DOCK5: variants seen among roughly 807,000 people sequenced by gnomAD.
The protein encoded by DOCK5 is dedicator of cytokinesis 5.
Under a neutral mutation model 251.8 loss-of-function variants are expected in DOCK5, and 142 were observed. The ratio of observed to expected loss-of-function variants is 0.56; its 90% CI spans 0.49 to 0.65. The LOEUF is 0.65. DOCK5 is among the 30% of genes least tolerant of loss of function. The pLI, the probability that DOCK5 is intolerant of heterozygous loss-of-function variation, is 0.00. For synonymous variants in DOCK5, 842 were observed against 835.5 expected (o/e 1.01, Z -0.13); for missense variants, 2,111 against 2,312.3 (o/e 0.91, Z 1.79).
chr8:25,241,823 TA>T (rs59136868), intron 1 of DOCK5, among the ~76,000 whole-genome samples: 15,306 of 151,960 alleles, frequency 0.1, 2,155 homozygotes, highest in African/African-American at 0.32. Context: ...TATGCAACCA[TA>T]AAAAAAGGAT....
intron 12 of DOCK5, among the ~76,000 whole-genome samples, chr8:25,310,108 T>C (rs993246079): frequency 6.6e-6 from 1 of 152,182 alleles, no homozygotes; most frequent in African/African-American, 2.4e-5. Flanking sequence ...ATATATCTTT[T>C]TTACCCCTAG....
intron 48 of DOCK5, among the ~76,000 whole-genome samples, chr8:25,406,671 A>G (rs796241850): frequency 7.2e-4 from 110 of 152,092 alleles, no homozygotes; most frequent in African/African-American, 2.4e-3. Context: ...TGTGTCGCCC[A>G]GGCTGGAGTG....
At chr8:25,362,426 CTTTTTTTCCT>C (rs1800699590) in intron 28 of DOCK5, among the ~76,000 whole-genome samples, 1 of 140,378 alleles carries the variant, frequency 7.1e-6, no homozygotes, top group Non-Finnish European at 1.6e-5. Flanking sequence ...TTCCCACTTT[CTTTTTTTCCT>C]TTTTTCTTTT....
intron 1 of DOCK5, among the ~76,000 whole-genome samples, chr8:25,238,606 C>T (rs193219393): frequency 6.6e-6 from 1 of 152,266 alleles, no homozygotes; most frequent in Admixed American, 6.5e-5. Context: ...TCTTTGAAAG[C>T]TTAGGTTGGA....
intron 1 of DOCK5, among the ~76,000 whole-genome samples, chr8:25,191,447 T>A (rs1351646782): frequency 6.6e-6 from 1 of 152,232 alleles, no homozygotes; most frequent in Non-Finnish European, 1.5e-5. Flanking sequence ...TACAAACATG[T>A]ATTGGATTTA....
At chr8:25,350,326 A>G (rs1800444069) in intron 26 of DOCK5, among the ~76,000 whole-genome samples, 1 of 150,996 alleles carries the variant, frequency 6.6e-6, no homozygotes, top group Admixed American at 6.6e-5. Flanking sequence ...AAGGACAGAT[A>G]GAGGCTATGA....
At chr8:25,406,633 T>C (rs1451583825) in intron 48 of DOCK5, among the ~76,000 whole-genome samples, 1 of 152,170 alleles carries the variant, frequency 6.6e-6, no homozygotes, top group African/African-American at 2.4e-5. Context: ...TTTTTATTTA[T>C]GTATTTTTTT....
At chr8:25,261,884 C>A (rs372991609) in intron 2 of DOCK5, among the ~76,000 whole-genome samples, 1 of 152,170 alleles carries the variant, frequency 6.6e-6, no homozygotes, top group East Asian at 1.9e-4. Context: ...GGCTCTTTCA[C>A]TTATTGTAAT....
Position 25,317,141 on chromosome 8 carries a change from A to G in DOCK5, c.1443+10A>G, listed in dbSNP as rs2117193981. ...GGGCAAGCTCTTGGAGGTGCGCGGC[A>G]TGGCCCAGAAATCCTGCTACCATCG... On this transcript the variant is annotated intron_variant, in intron 14 of 51. Coordinates refer to ENST00000276440, the MANE Select transcript of DOCK5 (RefSeq NM_024940.8). The G allele has an allele frequency of 6.2e-7, 1 of 1,611,900 alleles. No individual in the cohort carries two copies. Among genetic ancestry groups the G allele is most frequent in the South Asian group, 1.1e-5 (1 of 90,934 alleles).
chr8:25,269,481 G>T (rs559764521), intron 3 of DOCK5, among the ~76,000 whole-genome samples: 168 of 152,208 alleles, frequency 1.1e-3, no homozygotes, highest in Non-Finnish European at 2.2e-3. Flanking sequence ...TTTATTTATT[G>T]TTTTTATTAT....
intron 26 of DOCK5, chr8:25,351,451 G>C (rs1266046547): frequency 1.1e-5 from 4 of 366,294 alleles, no homozygotes; most frequent in African/African-American, 8.3e-5. Flanking sequence ...AGTGGCCACA[G>C]TGAGCTCTCA....
Position 25,389,024 on chromosome 8 carries a change from C to G in DOCK5, c.4132-67C>G. On this transcript the variant is annotated intron_variant, in intron 40 of 51. Transcript: ENST00000276440. ...GGGGAGTGCAGTGGCTACCTCAGTA[C>G]CCGGAACTCCAGTTGCCTCTCCACT... The G allele has an allele frequency of 2.6e-6, 4 of 1,517,466 alleles. No individual in the cohort carries two copies. In the East Asian group the frequency reaches 9.3e-5, roughly 35 times the overall value. 94.0% of individuals were successfully genotyped at this position (1,517,466 alleles called of 1,614,324 possible). A position where few individuals can be genotyped will look rare whatever the true frequency, so the allele number is the denominator to read the frequency against.
At chr8:25,301,702 CA>C (rs5890221) in intron 9 of DOCK5, among the ~76,000 whole-genome samples, 97,524 of 136,802 alleles carry the variant, frequency 0.71, 34,575 homozygotes, top group Non-Finnish European at 0.81. Context: ...GAGACCTTGT[CA>C]AAAAAAAAAA....
intron 22 of DOCK5, among the ~76,000 whole-genome samples, chr8:25,340,603 G>A (rs1805928255): frequency 6.6e-6 from 1 of 152,186 alleles, no homozygotes; most frequent in South Asian, 2.1e-4. Context: ...GTCCTGGAAG[G>A]CCCTTATGGT....
chr8:25,302,367 G>A lies in DOCK5; in HGVS notation c.889G>A (p.Val297Met), dbSNP rs756128093. 1 of 1,613,304 alleles carries A rather than the reference G, an allele frequency of 6.2e-7. No homozygotes were observed. Among genetic ancestry groups the A allele is most frequent in the Admixed American group, 1.7e-5 (1 of 59,912 alleles). The stretch of plus-strand genomic sequence containing the variant: ...CCTCATCCGGCCCCGCGTCAGCCTT[G>A]TGTGCCAGATTGTCCGCGTGGGCCA... ...MDLIRPRVSL[V>M]CQIVRVGHME... is the part of the protein sequence containing the mutation. The change falls in exon 10 of 52, where the codon GTG becomes ATG. Residue 297 changes from valine (V) to methionine (M), a missense_variant. Coordinates refer to ENST00000276440, the MANE Select transcript of DOCK5 (RefSeq NM_024940.8).
intron 46 of DOCK5, 71 bp from the exon 47 acceptor site, chr8:25,400,858 C>T (rs1801426568): frequency 4.4e-6 from 7 of 1,576,624 alleles, no homozygotes; most frequent in Non-Finnish European, 6.1e-6. Context: ...CCATCCCTCC[C>T]TTCCCCAACC....
intron 1 of DOCK5, 76 bp downstream of exon 1, chr8:25,185,027 G>T (rs1329433556): frequency 1.6e-6 from 2 of 1,266,106 alleles, no homozygotes; most frequent in Non-Finnish European, 2.0e-6. Context: ...CCAGGTTTGC[G>T]CAGAGCCCGG....
At chr8:25,259,629 A>T (rs762471054) in intron 2 of DOCK5, among the ~76,000 whole-genome samples, 2 of 151,968 alleles carry the variant, frequency 1.3e-5, no homozygotes, top group Middle Eastern at 3.4e-3. Flanking sequence ...TGGCTGATTT[A>T]AAAAAAATTT....
chr8:25,283,356 C>T (rs1404971373), intron 5 of DOCK5, among the ~76,000 whole-genome samples: 4 of 152,156 alleles, frequency 2.6e-5, no homozygotes, highest in Non-Finnish European at 5.9e-5. Flanking sequence ...GTATCCTGTG[C>T]GGGTCCTGTT....
Sources: allele counts gnomAD v4.1 joint callset (sites outside exome capture counted in the v4.1 genomes callset), GRCh38; gene constraint gnomAD v4.1.1; transcripts MANE v1.5; gene names NCBI Gene and HGNC (gene_info 2026-07-23, HGNC 2026-07-21).